The following PCDH15 variants were observed in gnomAD, a reference collection of about 807,000 sequenced individuals.
PCDH15 encodes the protein protocadherin-15.
PCDH15 carries 129 observed loss-of-function variants against 178.5 expected under a neutral mutation model. The observed-to-expected ratio is 0.72, with a 90% CI of 0.63 to 0.84. The LOEUF (loss-of-function observed/expected upper bound fraction) is 0.84, where lower values mean the gene tolerates loss of function less well. Ranked by LOEUF, PCDH15 falls within the 40% of genes least tolerant of loss-of-function variation. PCDH15 has a pLI of 0.00. For missense variants in PCDH15, 2,230 were observed against 2,099.9 expected (o/e 1.06, Z -1.21); for synonymous variants, 800 against 732.0 (o/e 1.09, Z -1.50).
intron 3 of PCDH15, among the ~76,000 whole-genome samples, chr10:54,433,779 T>C (rs903616529): frequency 9.9e-5 from 15 of 152,192 alleles, no homozygotes; most frequent in African/African-American, 3.4e-4. Context: ...ACATATTACA[T>C]GCCCGTATCA....
At chr10:54,088,961 T>C (rs965304716) in intron 16 of PCDH15, among the ~76,000 whole-genome samples, 4 of 152,172 alleles carry the variant, frequency 2.6e-5, no homozygotes, top group African/African-American at 9.7e-5. Context: ...TTAATGATGA[T>C]TGTAAATTGT....
At chr10:54,330,156 C>G (rs556463102) in intron 6 of PCDH15, among the ~76,000 whole-genome samples, 81 of 105,372 alleles carry the variant, frequency 7.7e-4, no homozygotes, top group African/African-American at 3.0e-3. Flanking sequence ...TAAGTATTAT[C>G]TGGCATTAAA....
intron 2 of PCDH15, among the ~76,000 whole-genome samples, chr10:55,589,075 C>G (rs1411628338): frequency 8.1e-6 from 1 of 123,684 alleles, no homozygotes; most frequent in Admixed American, 8.7e-5. Context: ...GAGCAAAATT[C>G]CGTGTCAAAA....
At chr10:54,652,209 T>G (rs1414688) in intron 2 of PCDH15, among the ~76,000 whole-genome samples, 9,893 of 152,272 alleles carry the variant, frequency 0.065, 388 homozygotes, top group South Asian at 0.15. Context: ...TCAGGACCTT[T>G]CTTTCCCTCC....
At chr10:55,516,392 A>G (rs554850041) in intron 2 of PCDH15, among the ~76,000 whole-genome samples, 2 of 152,194 alleles carry the variant, frequency 1.3e-5, no homozygotes, top group South Asian at 4.1e-4. Flanking sequence ...TTTTCTTTGT[A>G]AATTACCCAG....
chr10:54,357,551 G>A (rs1199875037), intron 5 of PCDH15, among the ~76,000 whole-genome samples: 14 of 152,004 alleles, frequency 9.2e-5, no homozygotes, highest in Admixed American at 3.3e-4. Flanking sequence ...ATGCTCATGG[G>A]TAGGAAGAAT....
At chr10:54,563,385 A>C (rs767155410) in intron 2 of PCDH15, among the ~76,000 whole-genome samples, 1 of 152,054 alleles carries the variant, frequency 6.6e-6, no homozygotes, top group African/African-American at 2.4e-5. Context: ...ATGGGTTTAC[A>C]TGAGTAATTG....
intron 2 of PCDH15, among the ~76,000 whole-genome samples, chr10:55,615,432 C>A (rs1200892348): frequency 6.6e-6 from 1 of 152,096 alleles, no homozygotes; most frequent in African/African-American, 2.4e-5. Context: ...TCTCACCTCA[C>A]CTTTAAGAAA....
At chr10:54,322,496 T>C (rs1337585016) in intron 7 of PCDH15, among the ~76,000 whole-genome samples, 3 of 152,046 alleles carry the variant, frequency 2.0e-5, no homozygotes, top group Non-Finnish European at 4.4e-5. Context: ...CTGAACAGAA[T>C]TGTGTCTCCT....
At chr10:55,102,887 G>T (rs750854414) in intron 2 of PCDH15, among the ~76,000 whole-genome samples, 1 of 152,038 alleles carries the variant, frequency 6.6e-6, no homozygotes, top group Non-Finnish European at 1.5e-5. Flanking sequence ...TAAGAAAGAA[G>T]AAATGTATTT....
chr10:55,381,134 AG>A (rs1837524280), intron 2 of PCDH15, among the ~76,000 whole-genome samples: 1 of 152,154 alleles, frequency 6.6e-6, no homozygotes, highest in Admixed American at 6.5e-5. Context: ...TCCTCCAGGC[AG>A]GAGCAGAAAA....
intron 1 of PCDH15, among the ~76,000 whole-genome samples, chr10:54,684,191 A>G (rs1318046857): frequency 6.6e-6 from 1 of 151,960 alleles, no homozygotes; most frequent in Non-Finnish European, 1.5e-5. Context: ...AAATACCTTC[A>G]TATAAGGATA....
chr10:55,037,769 T>C (rs560824781), intron 2 of PCDH15, among the ~76,000 whole-genome samples: 1 of 152,328 alleles, frequency 6.6e-6, no homozygotes, highest in Non-Finnish European at 1.5e-5. Flanking sequence ...TGTCTTACAG[T>C]TACACTATTT....
intron 2 of PCDH15, chr10:54,607,105 CTT>C (rs1321158371): frequency 4.6e-5 from 7 of 151,880 alleles, no homozygotes; most frequent in African/African-American, 1.7e-4. Context: ...GTCAAAGTAA[CTT>C]ATACTTAATA....
At chr10:54,296,741 T>C (rs1305309869) in intron 8 of PCDH15, among the ~76,000 whole-genome samples, 2 of 152,134 alleles carry the variant, frequency 1.3e-5, no homozygotes, top group African/African-American at 4.8e-5. Flanking sequence ...TTCCTGAAGC[T>C]AGGATATGGG....
intron 2 of PCDH15, among the ~76,000 whole-genome samples, chr10:54,904,576 AT>A (rs1470980318): frequency 6.6e-6 from 1 of 152,084 alleles, no homozygotes; most frequent in African/African-American, 2.4e-5. Flanking sequence ...ACAATGATAT[AT>A]TTACATAACA....
chr10:54,203,141 G>C (rs1459026411), intron 10 of PCDH15, among the ~76,000 whole-genome samples: 3 of 152,152 alleles, frequency 2.0e-5, no homozygotes, highest in African/African-American at 7.2e-5. Context: ...TGTCACGCCA[G>C]AAGATTTGGA....
chr10:54,790,640 G>T (rs1440990846), intron 1 of PCDH15, among the ~76,000 whole-genome samples: 1 of 151,690 alleles, frequency 6.6e-6, no homozygotes, highest in Non-Finnish European at 1.5e-5. Context: ...AGGTCCTGTT[G>T]ACTTAAAATC....
At chr10:54,751,912 A>C (rs1023882834) in intron 1 of PCDH15, among the ~76,000 whole-genome samples, 1 of 152,178 alleles carries the variant, frequency 6.6e-6, no homozygotes, top group Non-Finnish European at 1.5e-5. Context: ...TTATACTGCC[A>C]TTTAATGCTA....
Sources: allele counts gnomAD v4.1 joint callset (sites outside exome capture counted in the v4.1 genomes callset), GRCh38; gene constraint gnomAD v4.1.1; transcripts MANE v1.5; gene names NCBI Gene and HGNC (gene_info 2026-07-23, HGNC 2026-07-21).